CNMD: variants seen among roughly 807,000 people sequenced by gnomAD.
CNMD encodes chondromodulin, also known as leukocyte cell-derived chemotaxin 1.
CNMD carries 30 observed loss-of-function variants against 37.5 expected under a neutral mutation model. The ratio of observed to expected loss-of-function variants is 0.80; its 90% CI spans 0.60 to 1.09. The LOEUF (loss-of-function observed/expected upper bound fraction) is 1.09, where lower values mean the gene tolerates loss of function less well. Ranked by LOEUF, CNMD falls within the 50% of genes least tolerant of loss-of-function variation. The pLI, the probability that CNMD is intolerant of heterozygous loss-of-function variation, is 0.00. For missense variants in CNMD, 398 were observed against 423.9 expected (o/e 0.94, Z 0.54); for synonymous variants, 167 against 148.2 (o/e 1.13, Z -0.92).
Position 52,727,287 on chromosome 13 carries a change from C to T in CNMD, c.355-3177G>A, listed in dbSNP as rs115808672. 8.4e-3 allele frequency among the ~76,000 whole-genome samples: 1,275 copies of T among 151,934 alleles called. 19 individuals carry two copies. Among genetic ancestry groups the T allele is most frequent in the African/African-American group, 0.028 (1,181 of 41,476 alleles). On this transcript the variant is annotated intron_variant, in intron 3 of 6. Transcript: ENST00000377962. ...CCGTCTCAAATAAAAAAAAATGATT[C>T]AACAATAGACTATTTCAGGCATCTC...
chr13:52,737,617 T>C (rs574164126), intron 2 of CNMD, among the ~76,000 whole-genome samples: 15 of 152,338 alleles, frequency 9.8e-5, no homozygotes, highest in African/African-American at 1.2e-4. Context: ...CCAGAATCTT[T>C]ACCAAAAAAA....
Position 52,739,052 on chromosome 13 carries a change from G to T in CNMD, c.192C>A (p.Phe64Leu). The T allele has an allele frequency of 6.3e-7, 1 of 1,580,544 alleles. No homozygotes were observed. The highest frequency in any genetic ancestry group is 8.6e-7 in the Non-Finnish European group (1 of 1,166,592). Residue 64 changes from phenylalanine to leucine, a missense_variant, in exon 2 of 7, where the codon TTC becomes TTA. Coordinates refer to ENST00000377962, the MANE Select transcript of CNMD (RefSeq NM_007015.3). The surrounding 1 kb of genome is among the most constrained non-coding windows in gnomAD (Gnocchi z 5.4). ...LLFGAIGAFY[F>L]WKGSDSHIYN... ...TTACGTGACTGTCGCTCCCCTTCCA[G>T]AAGTAGAAGGCCCCGATGGCCCCAA...
chr13:52,733,613 T>C (rs58762582), intron 2 of CNMD: 24,304 of 533,148 alleles, frequency 0.046, 675 homozygotes, highest in Middle Eastern at 0.07. Context: ...TAATTTGCAA[T>C]GCTGGCTGTA....
At position 52,712,800 on chromosome 13, in the gene CNMD, T is replaced by C. The variant is rs1323869471; in HGVS notation, c.538A>G (p.Lys180Glu). ...LIWVAVDQPV[K>E]DNSFLSSKVL... ...TTAGAACTCAAGAAGCTGTTGTCCT[T>C]CACAGGCTGATCTACAGCCACCCAG... Residue 180 changes from lysine to glutamate, a missense_variant, in exon 5 of 7, where the codon AAG (lysine) becomes GAG (glutamate). Lys to Glu is a moderately conservative substitution (Grantham distance 56). Coordinates refer to ENST00000377962, the MANE Select transcript of CNMD (RefSeq NM_007015.3). 3 of 1,597,276 alleles carry C rather than the reference T, an allele frequency of 1.9e-6. No homozygotes were observed. Among genetic ancestry groups the C allele is most frequent in the Non-Finnish European group, 2.6e-6 (3 of 1,171,990 alleles).
intron 4 of CNMD, among the ~76,000 whole-genome samples, chr13:52,722,059 AT>A (rs1964493489): frequency 6.6e-6 from 1 of 152,136 alleles, no homozygotes; most frequent in African/African-American, 2.4e-5. Flanking sequence ...TCTTGGTCCC[AT>A]TTTTATACTT....
In CNMD at chr13:52,703,469, A is replaced by G. The variant is rs570303464; in HGVS notation, c.*126T>C. ...TGAAAAAATTCTGTTAAGAGTGTCA[A>G]GAATAACCGCTCAGGTTGAGTGTAA... is the stretch of plus-strand genomic sequence containing the variant. On this transcript the variant is annotated 3_prime_UTR_variant, in exon 7 of 7. Transcript: ENST00000377962. 2.8e-4 allele frequency: 177 copies of G among 635,836 alleles called. No individual in the cohort carries two copies. Among genetic ancestry groups the G allele is most frequent in the Non-Finnish European group, 4.5e-4 (167 of 368,394 alleles). 39.4% of individuals were successfully genotyped at this position (635,836 alleles called of 1,614,324 possible). A position where few individuals can be genotyped will look rare whatever the true frequency, so the allele number is the denominator to read the frequency against.
intron 6 of CNMD, 143 bp downstream of exon 6, chr13:52,708,393 G>C: frequency 1.7e-6 from 1 of 585,336 alleles, no homozygotes; most frequent in Non-Finnish European, 2.8e-6. Context: ...ATGTTGGCCA[G>C]GCTGGCCTCG....
At chr13:52,704,660 T>C (rs934776882) in intron 6 of CNMD, among the ~76,000 whole-genome samples, 3 of 152,184 alleles carry the variant, frequency 2.0e-5, no homozygotes, top group Admixed American at 2.0e-4. Context: ...GAAACCCTTA[T>C]CTTTAAATTC....
intron 4 of CNMD, among the ~76,000 whole-genome samples, chr13:52,716,716 T>C (rs1964389834): frequency 6.6e-6 from 1 of 152,224 alleles, no homozygotes; most frequent in Non-Finnish European, 1.5e-5. Context: ...TATACCTGTT[T>C]TGGTACCAGT....
At chr13:52,717,746 G>A (rs574595397) in intron 4 of CNMD, among the ~76,000 whole-genome samples, 1 of 152,284 alleles carries the variant, frequency 6.6e-6, no homozygotes, top group African/African-American at 2.4e-5. Context: ...CAGTTTGCCA[G>A]TATTTTATTG....
intron 3 of CNMD, among the ~76,000 whole-genome samples, chr13:52,731,850 A>T (rs908960799): frequency 1.3e-5 from 2 of 152,200 alleles, no homozygotes; most frequent in Non-Finnish European, 2.9e-5. Flanking sequence ...CAAAGAAAAA[A>T]TGATTTTACC....
Position 52,739,063 on chromosome 13 carries a change from C to A in CNMD, c.181G>T (p.Ala61Ser), listed in dbSNP as rs746345950. The A allele has an allele frequency of 3.2e-6, 5 of 1,580,580 alleles. No individual in the cohort carries two copies. In the Admixed American group the frequency reaches 7.2e-5, roughly 23 times the overall value. ...TCGCTCCCCTTCCAGAAGTAGAAGG[C>A]CCCGATGGCCCCAAAGAGCAGCAGC... ...AVLLLFGAIG[A>S]FYFWKGSDSH... Residue 61 changes from alanine to serine, a missense_variant, in exon 2 of 7, where the codon GCC becomes TCC. Coordinates refer to ENST00000377962, the MANE Select transcript of CNMD (RefSeq NM_007015.3). This position sits in a 1 kb window ranked among gnomAD's most constrained non-coding sequence, Gnocchi z 5.4.
At chr13:52,736,204 C>T (rs1237375841) in intron 2 of CNMD, among the ~76,000 whole-genome samples, 1 of 152,222 alleles carries the variant, frequency 6.6e-6, no homozygotes. Flanking sequence ...CTGTGTTAGC[C>T]AGGATGGTCT....
chr13:52,720,851 C>G (rs1203565490), intron 4 of CNMD, among the ~76,000 whole-genome samples: 4 of 152,206 alleles, frequency 2.6e-5, no homozygotes, highest in Non-Finnish European at 5.9e-5. Context: ...ATCCACTGCT[C>G]TCTTCAGAGC....
At chr13:52,733,089 A>T in intron 3 of CNMD, 130 bp downstream of exon 3, 1 of 836,468 alleles carries the variant, frequency 1.2e-6, no homozygotes, top group Non-Finnish European at 2.0e-6. Flanking sequence ...GTAGTGGATT[A>T]GTGGCACTAC....
chr13:52,734,503 G>A (rs1019153596), intron 2 of CNMD, among the ~76,000 whole-genome samples: 6 of 152,066 alleles, frequency 3.9e-5, no homozygotes, highest in African/African-American at 1.4e-4. Flanking sequence ...TAACTCAGAC[G>A]CTGCTCCTGC....
At chr13:52,729,285 C>A (rs2138266143) in intron 3 of CNMD, among the ~76,000 whole-genome samples, 1 of 152,248 alleles carries the variant, frequency 6.6e-6, no homozygotes, top group African/African-American at 2.4e-5. Flanking sequence ...ATGTCAGGTC[C>A]TGCAGAGCCT....
Position 52,739,403 on chromosome 13 carries a change from A to T in CNMD, c.72+227T>A. The T allele has an allele frequency of 1.5e-6, 1 of 668,042 alleles. No homozygotes were observed. Among genetic ancestry groups the T allele is most frequent in the East Asian group, 2.8e-5 (1 of 35,570 alleles). 41.4% of individuals were successfully genotyped at this position (668,042 alleles called of 1,614,324 possible). Reference sequence around the variant, plus strand: ...CGCAGCACAGGGCCTTCGCCCCAGGACCTGCACCCTCTACCGGCCACGGGA... The same window carrying T: ...CGCAGCACAGGGCCTTCGCCCCAGGTCCTGCACCCTCTACCGGCCACGGGA... On this transcript the variant is annotated intron_variant, in intron 1 of 6. Coordinates refer to ENST00000377962, the MANE Select transcript of CNMD (RefSeq NM_007015.3). This position sits in a 1 kb window ranked among gnomAD's most constrained non-coding sequence, Gnocchi z 5.4.
At chr13:52,714,666 A>G (rs899038949) in intron 4 of CNMD, among the ~76,000 whole-genome samples, 1 of 152,242 alleles carries the variant, frequency 6.6e-6, no homozygotes, top group African/African-American at 2.4e-5. Context: ...AATTATAATC[A>G]TATGATAAAG....
Sources: gnomAD v4.1 joint callset for allele counts (sites outside exome capture counted in the v4.1 genomes callset) on GRCh38, gnomAD v4.1.1 for gene constraint, Gnocchi (gnomAD v3.1) non-coding constraint, MANE v1.5 for transcripts, NCBI Gene and HGNC (gene_info 2026-07-23, HGNC 2026-07-21) for gene names.